The following PPP3CB variants were observed in gnomAD, a reference collection of about 807,000 sequenced individuals.
PPP3CB encodes the protein protein phosphatase 3 catalytic subunit beta.
In PPP3CB, 8 loss-of-function variants were observed where a neutral mutation model predicts 66.4. The observed-to-expected ratio is 0.12, with a 90% CI of 0.07 to 0.22. PPP3CB has a LOEUF of 0.22. Ranked by LOEUF, PPP3CB falls within the 10% of genes least tolerant of loss-of-function variation. The pLI is 1.00. For synonymous variants in PPP3CB, 208 were observed against 221.2 expected (o/e 0.94, Z 0.53); for missense variants, 319 against 642.5 (o/e 0.50, Z 5.44).
intron 3 of PPP3CB, among the ~76,000 whole-genome samples, chr10:73,476,000 G>A (rs936695253): frequency 2.2e-4 from 34 of 151,646 alleles, no homozygotes; most frequent in Admixed American, 1.8e-3. Context: ...GGGACTACAG[G>A]CACATGCCAC....
At position 73,438,257 on chromosome 10, in the gene PPP3CB, G is replaced by A. The variant is rs1219822710; in HGVS notation, c.1560C>T (p.Asn520=). Residue 520 remains asparagine (N), a synonymous_variant, in exon 14 of 14, where the codon AAC becomes AAT. Transcript: ENST00000360663. ...AHATENHGTG[N]HTAQ ...AAGTAGTGGGTCACTGGGCAGTATG[G>A]TTGCCCGTCCCGTGGTTCTCAGTGG... 2 of 1,613,876 alleles carry A rather than the reference G, an allele frequency of 1.2e-6. No homozygotes were observed. The highest frequency in any genetic ancestry group is 8.5e-7 in the Non-Finnish European group (1 of 1,179,898).
At chr10:73,470,233 CTG>C (rs2056681691) in intron 8 of PPP3CB, among the ~76,000 whole-genome samples, 1 of 151,764 alleles carries the variant, frequency 6.6e-6, no homozygotes, top group South Asian at 2.1e-4. Flanking sequence ...AGTGATAAGA[CTG>C]TGGAGGTAAA....
intron 10 of PPP3CB, among the ~76,000 whole-genome samples, chr10:73,450,459 C>G (rs1353292952): frequency 2.6e-5 from 4 of 152,204 alleles, no homozygotes; most frequent in Non-Finnish European, 4.4e-5. Context: ...GAATCTCCTC[C>G]TCTGTCCTCC....
intron 1 of PPP3CB, 53 bp downstream of exon 1, chr10:73,495,752 C>T: frequency 6.5e-7 from 1 of 1,543,952 alleles, no homozygotes; most frequent in Non-Finnish European, 8.8e-7. Context: ...CGCCCGCCCT[C>T]ACACACAGCT....
chr10:73,486,745 G>A (rs539673391), intron 1 of PPP3CB, among the ~76,000 whole-genome samples: 2 of 152,170 alleles, frequency 1.3e-5, no homozygotes, highest in African/African-American at 2.4e-5. Flanking sequence ...ACTAATCTCA[G>A]TGGAGGCTTC....
intron 12 of PPP3CB, 104 bp from the exon 13 acceptor site, chr10:73,440,005 C>A (rs2056120277): frequency 2.6e-6 from 3 of 1,133,348 alleles, no homozygotes; most frequent in Non-Finnish European, 3.9e-6. Context: ...CACAGTATCC[C>A]ATACTACATC....
Position 73,471,359 on chromosome 10 carries a change from A to C in PPP3CB, c.669+109T>G. ...ATTTCCTTAAGATATCAGTATACTA[A>C]TTTTTACTATTACCTAATCTTGGCA... On this transcript the variant is annotated intron_variant, in intron 5 of 13. Transcript: ENST00000360663. 2.9e-6 allele frequency: 4 copies of C among 1,368,706 alleles called. No homozygotes were observed. In the South Asian group the frequency reaches 4.4e-5, roughly 15 times the overall value. The allele number at this position is 1,368,706 out of a possible 1,614,324, so 84.8% of individuals were successfully genotyped here.
At chr10:73,495,710 C>G in intron 1 of PPP3CB, 95 bp downstream of exon 1, 14 of 1,470,878 alleles carry the variant, frequency 9.5e-6, no homozygotes, top group Non-Finnish European at 1.3e-5. Flanking sequence ...CTCGCCCGCC[C>G]TTCCGGGCCC....
chr10:73,445,712 C>T (rs1035992187), intron 11 of PPP3CB, among the ~76,000 whole-genome samples: 11 of 149,530 alleles, frequency 7.4e-5, no homozygotes, highest in Non-Finnish European at 4.4e-5. Flanking sequence ...GGATTACAGG[C>T]GTGAGCCACT....
At chr10:73,466,772 AG>A (rs1056034780) in intron 9 of PPP3CB, among the ~76,000 whole-genome samples, 7 of 152,342 alleles carry the variant, frequency 4.6e-5, no homozygotes, top group Middle Eastern at 3.4e-3. Flanking sequence ...GGAAGAGGTG[AG>A]AAAAAATAGA....
chr10:73,445,999 G>A (rs540756124), intron 11 of PPP3CB, among the ~76,000 whole-genome samples: 5 of 151,896 alleles, frequency 3.3e-5, no homozygotes, highest in Non-Finnish European at 5.9e-5. Context: ...CACCTGCCTT[G>A]GCCTCCCAAA....
At chr10:73,445,358 G>T (rs1482112865) in intron 11 of PPP3CB, among the ~76,000 whole-genome samples, 1 of 152,206 alleles carries the variant, frequency 6.6e-6, no homozygotes, top group East Asian at 1.9e-4. Flanking sequence ...ACGGAAAAGA[G>T]ATACCAAAGA....
At chr10:73,493,718 C>T (rs1400692325) in intron 1 of PPP3CB, among the ~76,000 whole-genome samples, 2 of 152,170 alleles carry the variant, frequency 1.3e-5, no homozygotes, top group African/African-American at 2.4e-5. Flanking sequence ...GAAGAGGGCA[C>T]AATGAAGCAC....
At chr10:73,466,912 C>CA (rs2056625998) in intron 9 of PPP3CB, 1 of 151,982 alleles carries the variant, frequency 6.6e-6, no homozygotes, top group Admixed American at 6.6e-5. Flanking sequence ...TGATAGGTAA[C>CA]AAAATCCTAA....
At chr10:73,458,383 C>T (rs576726209) in intron 9 of PPP3CB, among the ~76,000 whole-genome samples, 181 of 152,190 alleles carry the variant, frequency 1.2e-3, no homozygotes, top group African/African-American at 3.6e-3. Flanking sequence ...GTAATCCACC[C>T]GCCCCGGCCT....
At position 73,454,495 on chromosome 10, in the gene PPP3CB, T is replaced by TG. The variant is rs761753443; in HGVS notation, c.1109-7dup. ...ATTTACCAACATTTCTGTCACTATT[T>TG]GGGAAAAAAAAGTTACATGTTAGCT... On this transcript the variant is annotated splice_polypyrimidine_tract_variant and splice_region_variant and intron_variant, in intron 9 of 13. Transcript: ENST00000360663. 4 of 1,608,580 alleles carry TG rather than the reference T, an allele frequency of 2.5e-6. No homozygotes were observed. In the South Asian group the frequency reaches 3.3e-5, roughly 13 times the overall value.
At chr10:73,470,205 T>C (rs774428129) in intron 8 of PPP3CB, among the ~76,000 whole-genome samples, 10 of 150,782 alleles carry the variant, frequency 6.6e-5, no homozygotes, top group Non-Finnish European at 1.0e-4. Context: ...AAAGCTCAAA[T>C]ACAAATCTTC....
chr10:73,485,908 T>TTGTGTGTGTGTGTGTGTGTGTGTG (rs57190155), intron 1 of PPP3CB, among the ~76,000 whole-genome samples: 1 of 121,288 alleles, frequency 8.2e-6, no homozygotes, highest in African/African-American at 3.1e-5. Flanking sequence ...ACCTGGCTAA[T>TTGTGTGTGTGTGTGTGTGTGTGTG]TGTGTGTGTG....
chr10:73,481,146 T>G (rs112535762), intron 1 of PPP3CB, among the ~76,000 whole-genome samples: 2 of 150,868 alleles, frequency 1.3e-5, no homozygotes, highest in African/African-American at 2.4e-5. Context: ...GGCAGCTCCC[T>G]CTTTCCAGAT....
Sources: allele counts gnomAD v4.1 joint callset (sites outside exome capture counted in the v4.1 genomes callset), GRCh38; gene constraint gnomAD v4.1.1; transcripts MANE v1.5; gene names NCBI Gene and HGNC (gene_info 2026-07-23, HGNC 2026-07-21).